Variants in NME7 observed in about 807,000 individuals in gnomAD.
NME7 encodes the protein nucleoside diphosphate kinase 7.
In NME7, 41 loss-of-function variants were observed where a neutral mutation model predicts 49.1. That is an observed-to-expected ratio of 0.83 (90% CI 0.65 to 1.08). The LOEUF is 1.08. NME7 is among the 50% of genes least tolerant of loss of function. The pLI, the probability that NME7 is intolerant of heterozygous loss-of-function variation, is 0.00. For synonymous variants in NME7, 139 were observed against 150.6 expected (o/e 0.92, Z 0.56); for missense variants, 423 against 463.4 (o/e 0.91, Z 0.80).
intron 6 of NME7, among the ~76,000 whole-genome samples, chr1:169,292,364 T>C (rs1271791021): frequency 2.0e-5 from 3 of 152,110 alleles, no homozygotes; most frequent in Non-Finnish European, 4.4e-5. Context: ...CATCCAAAGA[T>C]ATTGTTAAAG....
rs1404869267 is a variant in NME7 at position 169,367,657 on chromosome 1, CTAAG to C, written c.3+47_3+50del. 7 of 1,612,952 alleles carry C rather than the reference CTAAG, an allele frequency of 4.3e-6. No homozygotes were observed. The South Asian group carries it at 4.4e-5, about 10-fold the overall frequency. On this transcript the variant is annotated intron_variant, in intron 1 of 11. Transcript: ENST00000367811. ...CCCATCCGCCCGAAGACTTGGAAAG[CTAAG>C]TAAGTAGGACCCCAGAGCCGTTCTT...
intron 7 of NME7, among the ~76,000 whole-genome samples, chr1:169,243,232 C>T (rs1220062474): frequency 1.3e-5 from 2 of 151,896 alleles, no homozygotes; most frequent in Non-Finnish European, 2.9e-5. Context: ...AAAATAGAAC[C>T]ACACAAATAT....
intron 7 of NME7, among the ~76,000 whole-genome samples, chr1:169,252,323 A>T (rs1648667271): frequency 6.6e-6 from 1 of 151,804 alleles, no homozygotes; most frequent in Non-Finnish European, 1.5e-5. Flanking sequence ...GATGATGAGC[A>T]TTTTTTCATG....
Position 169,275,034 on chromosome 1 carries a change from T to C in NME7, c.754+12269A>G, listed in dbSNP as rs752435244. Among the ~76,000 whole-genome samples the C allele has an allele frequency of 4.5e-5, 6 of 132,862 alleles. 1 individual carries two copies. The East Asian group carries it at 8.1e-4, about 18-fold the overall frequency. The allele number at this position is 132,862 out of a possible 152,430, so 87.2% of individuals were successfully genotyped here. A position where few individuals can be genotyped will look rare whatever the true frequency, so the allele number is the denominator to read the frequency against. On this transcript the variant is annotated intron_variant, in intron 7 of 11. Transcript: ENST00000367811. ...CATTGGTAGCTTGATGGGGATGGCATTGAATCTATAAATTACCTTAGGCAG... is the reference window on the plus strand; with the variant it reads ...CATTGGTAGCTTGATGGGGATGGCACTGAATCTATAAATTACCTTAGGCAG...
intron 3 of NME7, 33 bp downstream of exon 3, chr1:169,323,084 G>C (rs1359806895): frequency 1.4e-6 from 2 of 1,475,372 alleles, no homozygotes; most frequent in East Asian, 2.5e-5. Context: ...CAAAGTTAGA[G>C]CATGTAAAAA....
intron 10 of NME7, among the ~76,000 whole-genome samples, chr1:169,207,849 A>C (rs551290013): frequency 2.4e-4 from 37 of 152,176 alleles, no homozygotes; most frequent in Admixed American, 2.2e-3. Context: ...CAAAATAATG[A>C]AGGCTAGATT....
At chr1:169,181,199 T>C (rs933227758) in intron 10 of NME7, among the ~76,000 whole-genome samples, 5 of 151,910 alleles carry the variant, frequency 3.3e-5, no homozygotes, top group Admixed American at 2.0e-4. Flanking sequence ...CTATAATTTA[T>C]CATGTCTGTT....
intron 2 of NME7, 79 bp downstream of exon 2, chr1:169,324,314 A>G: frequency 1.2e-6 from 1 of 834,824 alleles, no homozygotes; most frequent in South Asian, 1.6e-5. Flanking sequence ...ATGTGTTTTT[A>G]AAAAGCAATT....
At chr1:169,312,345 C>G (rs936545009) in intron 3 of NME7, among the ~76,000 whole-genome samples, 1 of 152,150 alleles carries the variant, frequency 6.6e-6, no homozygotes, top group African/African-American at 2.4e-5. Context: ...TTGGCCAATG[C>G]AAGTCACGTG....
intron 11 of NME7, among the ~76,000 whole-genome samples, chr1:169,148,267 T>C (rs371296754): frequency 4.2e-4 from 64 of 152,298 alleles, no homozygotes; most frequent in African/African-American, 1.5e-3. Context: ...CCTCCCCAAG[T>C]GCTAGGATTA....
intron 3 of NME7, among the ~76,000 whole-genome samples, chr1:169,315,772 A>G (rs1651600476): frequency 6.6e-6 from 1 of 152,180 alleles, no homozygotes; most frequent in Non-Finnish European, 1.5e-5. Flanking sequence ...TAAACCAAAG[A>G]AGACAACACA....
chr1:169,172,490 G>A (rs1161976030), intron 10 of NME7, among the ~76,000 whole-genome samples: 26 of 152,068 alleles, frequency 1.7e-4, no homozygotes, highest in African/African-American at 6.3e-4. Flanking sequence ...GGCACATATG[G>A]TCTTCTGCCA....
At chr1:169,338,618 G>A (rs1171204500) in intron 1 of NME7, among the ~76,000 whole-genome samples, 1 of 152,074 alleles carries the variant, frequency 6.6e-6, no homozygotes, top group Non-Finnish European at 1.5e-5. Flanking sequence ...ACTGCCCAGT[G>A]AAAAAACAAT....
intron 11 of NME7, among the ~76,000 whole-genome samples, chr1:169,156,600 AT>A (rs1408105656): frequency 1.3e-5 from 2 of 152,214 alleles, no homozygotes; most frequent in Admixed American, 6.5e-5. Flanking sequence ...GGGATAAATT[AT>A]ATTAAATACA....
chr1:169,305,487 G>A (rs186722183), intron 4 of NME7, among the ~76,000 whole-genome samples: 35 of 152,310 alleles, frequency 2.3e-4, no homozygotes, highest in Non-Finnish European at 3.8e-4. Context: ...CATACATTGT[G>A]AGAAATTCCT....
rs575600034 is a variant in NME7, at chr1:169,333,253, T to C, written c.4-8753A>G. 2.8e-4 allele frequency among the ~76,000 whole-genome samples: 43 copies of C among 151,442 alleles called. No homozygotes were observed. In the East Asian group the frequency reaches 7.8e-3, roughly 27 times the overall value. On this transcript the variant is annotated intron_variant, in intron 1 of 11. Coordinates refer to ENST00000367811, the MANE Select transcript of NME7 (RefSeq NM_013330.5). ...TCACTTATCTGTGGGTTCTAAAAAA[T>C]GAAAAAAAATTGAACTCATGGACAT... is the stretch of plus-strand genomic sequence containing the variant.
At chr1:169,255,050 G>C (rs978791685) in intron 7 of NME7, among the ~76,000 whole-genome samples, 2 of 135,734 alleles carry the variant, frequency 1.5e-5, no homozygotes, top group African/African-American at 5.1e-5. Context: ...GTTGATTTGG[G>C]GTGGAGAGTT....
intron 7 of NME7, among the ~76,000 whole-genome samples, chr1:169,250,567 T>C (rs1648520553): frequency 6.6e-6 from 1 of 152,094 alleles, no homozygotes; most frequent in Non-Finnish European, 1.5e-5. Flanking sequence ...TGATGTTAGG[T>C]TGTCAATTTA....
At position 169,352,646 on chromosome 1, in the gene NME7, A is replaced by G. The variant is rs79461294; in HGVS notation, c.3+15062T>C. Among the ~76,000 whole-genome samples, 574 of 152,254 alleles carry G rather than the reference A, an allele frequency of 3.8e-3. 1 individual carries two copies. Among genetic ancestry groups the G allele is most frequent in the African/African-American group, 0.013 (545 of 41,554 alleles). On this transcript the variant is annotated intron_variant, in intron 1 of 11. Coordinates refer to ENST00000367811, the MANE Select transcript of NME7 (RefSeq NM_013330.5). Reference sequence around the variant, plus strand: ...CAAAGAATCTTTGTTTGCAGATGATATGAGCTTACCTTTGGAAAAACCTAA... The same window carrying G: ...CAAAGAATCTTTGTTTGCAGATGATGTGAGCTTACCTTTGGAAAAACCTAA...
Sources: gnomAD v4.1 joint callset for allele counts (sites outside exome capture counted in the v4.1 genomes callset) on GRCh38, gnomAD v4.1.1 for gene constraint, MANE v1.5 for transcripts, NCBI Gene and HGNC (gene_info 2026-07-23, HGNC 2026-07-21) for gene names.